EXT1: variants seen among roughly 807,000 people sequenced by gnomAD.
The protein encoded by EXT1 is exostosin glycosyltransferase 1.
EXT1 carries 20 observed loss-of-function variants against 82.5 expected under a neutral mutation model. The ratio of observed to expected loss-of-function variants is 0.24; its 90% CI spans 0.17 to 0.35. The LOEUF (loss-of-function observed/expected upper bound fraction) is 0.35, where lower values mean the gene tolerates loss of function less well. EXT1 is among the 10% of genes least tolerant of loss of function. The probability of loss-of-function intolerance (pLI) is 1.00; values close to 1 mark genes in which losing one functional copy is unlikely to be tolerated. For synonymous variants in EXT1, 348 were observed against 350.8 expected, an observed-to-expected ratio of 0.99 and a Z score of 0.09; for missense variants, 757 against 936.5, an observed-to-expected ratio of 0.81 and a Z score of 2.50.
At chr8:117,897,946 A>C (rs1813373913) in intron 1 of EXT1, among the ~76,000 whole-genome samples, 3 of 152,178 alleles carry the variant, frequency 2.0e-5, no homozygotes, top group South Asian at 4.1e-4. Flanking sequence ...TTTGAATGCA[A>C]GAAGCCACCT....
At chr8:117,907,527 G>T (rs1336341356) in intron 1 of EXT1, among the ~76,000 whole-genome samples, 1 of 152,136 alleles carries the variant, frequency 6.6e-6, no homozygotes, top group Non-Finnish European at 1.5e-5. Flanking sequence ...CCTGCTTACT[G>T]TTGAGCACGC....
intron 1 of EXT1, among the ~76,000 whole-genome samples, chr8:117,844,370 C>A (rs1019001594): frequency 3.3e-5 from 5 of 151,926 alleles, no homozygotes; most frequent in Non-Finnish European, 7.4e-5. Context: ...CCAGGCTGGT[C>A]TTGAACTCCT....
intron 1 of EXT1, among the ~76,000 whole-genome samples, chr8:117,839,378 A>C (rs1339895141): frequency 2.0e-5 from 3 of 152,234 alleles, no homozygotes; most frequent in African/African-American, 2.4e-5. Context: ...TCCTTTGAGA[A>C]TATCCCACTG....
At chr8:117,809,311 C>T (rs1823285286) in intron 8 of EXT1, among the ~76,000 whole-genome samples, 1 of 148,052 alleles carries the variant, frequency 6.8e-6, no homozygotes, top group Non-Finnish European at 1.5e-5. Context: ...ATAAGGAAGA[C>T]TTAAAAATAT....
At chr8:117,812,547 C>G (rs148428598) in intron 8 of EXT1, among the ~76,000 whole-genome samples, 4 of 152,258 alleles carry the variant, frequency 2.6e-5, no homozygotes, top group East Asian at 1.9e-4. Context: ...GCACCCTCCC[C>G]CTTCCCCTCA....
chr8:117,934,087 C>A lies in EXT1; in HGVS notation c.963-96886G>T, dbSNP rs150867523. On this transcript the variant is annotated intron_variant, in intron 1 of 10. Transcript: ENST00000378204. ...CCTGTGCCTTCTACCTCAACACGCA[C>A]TGCTTCAGCACAGTGTTTTGAAACC... Among the ~76,000 whole-genome samples, 100 of 152,258 alleles carry A rather than the reference C, an allele frequency of 6.6e-4. 2 individuals are homozygous for A. Among genetic ancestry groups the A allele is most frequent in the African/African-American group, 2.3e-3 (94 of 41,558 alleles).
intron 1 of EXT1, among the ~76,000 whole-genome samples, chr8:117,955,665 C>T (rs1814572204): frequency 6.6e-6 from 1 of 152,154 alleles, no homozygotes; most frequent in Admixed American, 6.5e-5. Flanking sequence ...AAGCGATTCT[C>T]ATGCCTCAAC....
intron 1 of EXT1, among the ~76,000 whole-genome samples, chr8:118,057,172 G>A (rs1455340553): frequency 6.6e-6 from 1 of 152,170 alleles, no homozygotes; most frequent in Non-Finnish European, 1.5e-5. Flanking sequence ...ATTGTGATTG[G>A]TTAATTCGTG....
At position 118,072,113 on chromosome 8, in the gene EXT1, C is replaced by G. The variant is rs1249217570; in HGVS notation, c.962+37972G>C. ...TTTGGGCAGGTATTAGACTCCCCGC[C>G]TTGGTTCCCTCATTTTGCAAAATGG... On this transcript the variant is annotated intron_variant, in intron 1 of 10. Coordinates refer to ENST00000378204, the MANE Select transcript of EXT1 (RefSeq NM_000127.3). 5.9e-5 allele frequency among the ~76,000 whole-genome samples: 9 copies of G among 152,178 alleles called. No homozygotes were observed. In the East Asian group the frequency reaches 1.7e-3, roughly 29 times the overall value.
intron 1 of EXT1, among the ~76,000 whole-genome samples, chr8:118,007,665 T>A (rs550228169): frequency 6.6e-6 from 1 of 152,184 alleles, no homozygotes; most frequent in Non-Finnish European, 1.5e-5. Context: ...CTAACATGAT[T>A]CTAGAGCTTC....
intron 1 of EXT1, among the ~76,000 whole-genome samples, chr8:118,000,481 T>C (rs1815638862): frequency 6.6e-6 from 1 of 152,224 alleles, no homozygotes; most frequent in African/African-American, 2.4e-5. Context: ...CACCTCTCTG[T>C]GTAAACGAAA....
rs965238232 is a variant in EXT1, at chr8:117,796,149, T to C, written c.*3563A>G. The stretch of plus-strand genomic sequence containing the variant: ...AGGCAGGAGCATTTTTATTTGAGAG[T>C]TCATGGCAATAACTGCTACTTTTAA... On this transcript the variant is annotated 3_prime_UTR_variant, in exon 11 of 11. Transcript: ENST00000378204. 4.6e-5 allele frequency: 7 copies of C among 152,010 alleles called. No homozygotes were observed. The highest frequency in any genetic ancestry group is 5.9e-5 in the Non-Finnish European group (4 of 68,000). 9.4% of individuals were successfully genotyped at this position (152,010 alleles called of 1,614,324 possible).
At chr8:118,037,352 C>T (rs935425231) in intron 1 of EXT1, among the ~76,000 whole-genome samples, 2 of 151,654 alleles carry the variant, frequency 1.3e-5, no homozygotes, top group South Asian at 4.2e-4. Flanking sequence ...CCCTCGAGTA[C>T]CTTACAATTT....
At chr8:117,980,025 T>C (rs1451627155) in intron 1 of EXT1, among the ~76,000 whole-genome samples, 1 of 152,148 alleles carries the variant, frequency 6.6e-6, no homozygotes, top group African/African-American at 2.4e-5. Flanking sequence ...GAGATCTCCA[T>C]GGTGTAATGA....
intron 6 of EXT1, among the ~76,000 whole-genome samples, chr8:117,819,284 C>A (rs1251161811): frequency 6.6e-6 from 1 of 152,224 alleles, no homozygotes; most frequent in African/African-American, 2.4e-5. Flanking sequence ...ATGACACCAA[C>A]AAGTCTGCTT....
intron 1 of EXT1, among the ~76,000 whole-genome samples, chr8:118,097,542 GGA>G (rs1477182390): frequency 2.0e-5 from 3 of 152,170 alleles, no homozygotes; most frequent in Non-Finnish European, 4.4e-5. Flanking sequence ...AAGCTCCCCA[GGA>G]GAGTCTACTG....
At chr8:117,861,685 G>A (rs1442049825) in intron 1 of EXT1, among the ~76,000 whole-genome samples, 1 of 142,292 alleles carries the variant, frequency 7.0e-6, no homozygotes, top group Non-Finnish European at 1.6e-5. Flanking sequence ...TAGTAGAGAT[G>A]GGGTTTTACC....
intron 1 of EXT1, among the ~76,000 whole-genome samples, chr8:117,997,036 T>C (rs1330433183): frequency 6.6e-6 from 1 of 152,118 alleles, no homozygotes; most frequent in Non-Finnish European, 1.5e-5. Context: ...CTTCTCCATG[T>C]TACACCCACA....
At chr8:117,889,038 T>C (rs938672795) in intron 1 of EXT1, among the ~76,000 whole-genome samples, 4 of 152,214 alleles carry the variant, frequency 2.6e-5, no homozygotes, top group Admixed American at 1.3e-4. Flanking sequence ...TAAGAGGGTA[T>C]AGAAAGTGTT....
Sources: allele counts gnomAD v4.1 joint callset (sites outside exome capture counted in the v4.1 genomes callset), GRCh38; gene constraint gnomAD v4.1.1; transcripts MANE v1.5; gene names NCBI Gene and HGNC (gene_info 2026-07-23, HGNC 2026-07-21).